Variants in CAD observed in about 807,000 individuals in gnomAD.
The protein encoded by CAD is multifunctional protein CAD.
In CAD, 81 loss-of-function variants were observed where a neutral mutation model predicts 237.2. That is an observed-to-expected ratio of 0.34 (90% CI 0.29 to 0.41). The LOEUF (loss-of-function observed/expected upper bound fraction) is 0.41. CAD is among the 10% of genes least tolerant of loss of function. CAD has a pLI of 1.00. For synonymous variants in CAD, 1,196 were observed against 1,162.8 expected (o/e 1.03, Z -0.58); for missense variants, 2,181 against 2,951.7 (o/e 0.74, Z 6.05).
chr2:27,238,852 C>T (rs1310771469), intron 31 of CAD, among the ~76,000 whole-genome samples, 190 bp from the exon 32 acceptor site: 1 of 152,194 alleles, frequency 6.6e-6, no homozygotes, highest in Non-Finnish European at 1.5e-5. Flanking sequence ...TGAAAGAATA[C>T]ATGGGTAAAA....
In CAD at chr2:27,237,293, G is replaced by T; in HGVS notation, c.4397-86G>T. The T allele has an allele frequency of 7.0e-7, 1 of 1,437,822 alleles. No individual in the cohort carries two copies. Among genetic ancestry groups the T allele is most frequent in the Non-Finnish European group, 9.7e-7 (1 of 1,033,310 alleles). The allele number at this position is 1,437,822 out of a possible 1,614,324, so 89.1% of individuals were successfully genotyped here. ...CCCACCTCGGCCTCCCAAAGTGCTAGGATTACAGGCGTGAGCCACCATGTC... is the reference window on the plus strand; with the variant it reads ...CCCACCTCGGCCTCCCAAAGTGCTATGATTACAGGCGTGAGCCACCATGTC... On this transcript the variant is annotated intron_variant, in intron 27 of 43. Coordinates refer to ENST00000264705, the MANE Select transcript of CAD (RefSeq NM_004341.5). This position sits in a 1 kb window ranked among gnomAD's most constrained non-coding sequence, Gnocchi z 4.0.
At position 27,235,460 on chromosome 2, in the gene CAD, G is replaced by A. The variant is rs771780968; in HGVS notation, c.3969+33G>A. On this transcript the variant is annotated intron_variant, in intron 24 of 43. Transcript: ENST00000264705. This position sits in a 1 kb window ranked among gnomAD's most constrained non-coding sequence, Gnocchi z 5.2. ...AATCCAGGAGGGCTTCCCGAGGGCCGTGGCTCCCTGGGCCAGGGCTGACCT... is the reference window on the plus strand; with the variant it reads ...AATCCAGGAGGGCTTCCCGAGGGCCATGGCTCCCTGGGCCAGGGCTGACCT... The A allele has an allele frequency of 2.9e-5, 46 of 1,606,744 alleles. No homozygotes were observed. Among genetic ancestry groups the A allele is most frequent in the Non-Finnish European group, 3.6e-5 (42 of 1,174,484 alleles).
rs767836058 is a variant in CAD, at chr2:27,225,000, C to T, written c.1387-10C>T. 5.0e-6 allele frequency: 8 copies of T among 1,607,442 alleles called. No homozygotes were observed. Among genetic ancestry groups the T allele is most frequent in the African/African-American group, 2.7e-5 (2 of 74,772 alleles). ...GTTCTGATGCCTGTAACTCCCCTCT[C>T]CATCCTCAGGTGATACGTAATGAAC... On this transcript the variant is annotated splice_polypyrimidine_tract_variant and intron_variant, in intron 10 of 43. Coordinates refer to ENST00000264705, the MANE Select transcript of CAD (RefSeq NM_004341.5).
At chr2:27,221,178 A>C in intron 2 of CAD, 40 bp from the exon 3 acceptor site, 1 of 1,490,706 alleles carries the variant, frequency 6.7e-7, no homozygotes, top group African/African-American at 1.4e-5. Context: ...CAAAGAAATA[A>C]CTTGGCCTGA....
Position 27,242,431 on chromosome 2 carries a change from A to C in CAD, c.6222+4A>C. 6.2e-7 allele frequency: 1 copy of C among 1,612,750 alleles called. No homozygotes were observed. Among genetic ancestry groups the C allele is most frequent in the African/African-American group, 1.3e-5 (1 of 74,982 alleles). ...GGGAACTGTCAATGGCATGACGGTG[A>C]GGGTGGTGGCAGGGTTTGGATCCCT... On this transcript the variant is annotated splice_donor_region_variant and intron_variant, in intron 40 of 43. Transcript: ENST00000264705. The surrounding 1 kb of genome is among the most constrained non-coding windows in gnomAD (Gnocchi z 6.4).
rs1269487114 is a variant in CAD at position 27,235,846 on chromosome 2, A to G, written c.4074+206A>G. ...TGCAGTGAGTGCACCACTGCACTCC[A>G]GCTTGGGAAACAGTGAGATGCTGTC... On this transcript the variant is annotated intron_variant, in intron 25 of 43. Transcript: ENST00000264705. The surrounding 1 kb of genome is among the most constrained non-coding windows in gnomAD (Gnocchi z 5.2). 5.9e-6 allele frequency: 3 copies of G among 508,980 alleles called. No homozygotes were observed. The highest frequency in any genetic ancestry group is 3.9e-5 in the African/African-American group (2 of 50,868). 31.5% of individuals were successfully genotyped at this position (508,980 alleles called of 1,614,324 possible). A position where few individuals can be genotyped will look rare whatever the true frequency, so the allele number is the denominator to read the frequency against.
chr2:27,241,881 C>T lies in CAD; in HGVS notation c.5884-30C>T, dbSNP rs576292247. 3.7e-5 allele frequency: 59 copies of T among 1,586,470 alleles called. No individual in the cohort carries two copies. The highest frequency in any genetic ancestry group is 2.4e-4 in the South Asian group (22 of 90,140). Reference sequence around the variant, plus strand: ...GGTTTCCCCAGGGTGGACACGCATACGTACACCTTCCATCTTGCTCTTTCC... The same window carrying T: ...GGTTTCCCCAGGGTGGACACGCATATGTACACCTTCCATCTTGCTCTTTCC... On this transcript the variant is annotated intron_variant, in intron 38 of 43. Coordinates refer to ENST00000264705, the MANE Select transcript of CAD (RefSeq NM_004341.5). This position sits in a 1 kb window ranked among gnomAD's most constrained non-coding sequence, Gnocchi z 4.6.
rs1675990499 is a variant in CAD, at chr2:27,236,137, G to A, written c.4075-147G>A. ...TCCTGCCAAGAAATACACTTTGCCA[G>A]TATCAAATAGAGGCAGCCCTCAGTG... On this transcript the variant is annotated intron_variant, in intron 25 of 43. Coordinates refer to ENST00000264705, the MANE Select transcript of CAD (RefSeq NM_004341.5). This position sits in a 1 kb window ranked among gnomAD's most constrained non-coding sequence, Gnocchi z 4.1. 3.1e-6 allele frequency: 3 copies of A among 960,576 alleles called. No individual in the cohort carries two copies. The highest frequency in any genetic ancestry group is 4.6e-6 in the Non-Finnish European group (3 of 652,038). The allele number at this position is 960,576 out of a possible 1,614,324, so 59.5% of individuals were successfully genotyped here.
chr2:27,236,168 C>A lies in CAD; in HGVS notation c.4075-116C>A. 2.1e-6 allele frequency: 3 copies of A among 1,397,706 alleles called. No homozygotes were observed. Among genetic ancestry groups the A allele is most frequent in the Admixed American group, 2.2e-5 (1 of 45,448 alleles). 86.6% of individuals were successfully genotyped at this position (1,397,706 alleles called of 1,614,324 possible). A position where few individuals can be genotyped will look rare whatever the true frequency, so the allele number is the denominator to read the frequency against. ...AATAGAGGCAGCCCTCAGTGCCCAC[C>A]CTATGGGTCCTCAGTCTCCTCATCA... On this transcript the variant is annotated intron_variant, in intron 25 of 43. Transcript: ENST00000264705. This position sits in a 1 kb window ranked among gnomAD's most constrained non-coding sequence, Gnocchi z 4.1.
In CAD at chr2:27,240,854, G is replaced by A. The variant is rs2289362; in HGVS notation, c.5594-57G>A. ...TGATTCAGAGTTCCTGGGAATATGG[G>A]GTTTCTTTCCAAACCTCAGCCATAA... On this transcript the variant is annotated intron_variant, in intron 35 of 43. Transcript: ENST00000264705. This position sits in a 1 kb window ranked among gnomAD's most constrained non-coding sequence, Gnocchi z 4.6. The A allele has an allele frequency of 1.3e-5, 20 of 1,571,554 alleles. No homozygotes were observed. In the East Asian group the frequency reaches 3.4e-4, roughly 26 times the overall value.
At chr2:27,221,009 C>T (rs555429439) in intron 2 of CAD, among the ~76,000 whole-genome samples, 2 of 152,078 alleles carry the variant, frequency 1.3e-5, no homozygotes, top group Non-Finnish European at 2.9e-5. Context: ...TTTCAGTGAT[C>T]ATCGGGGCAC....
rs1019504589 is a variant in CAD, at chr2:27,236,049, A to G, written c.4075-235A>G. Among the ~76,000 whole-genome samples, 3 of 152,138 alleles carry G rather than the reference A, an allele frequency of 2.0e-5. No homozygotes were observed. The highest frequency in any genetic ancestry group is 6.5e-5 in the Admixed American group (1 of 15,274). ...TCCTTCCAGGATTTTCTCTGTGTAC[A>G]TGTGTGTGAGCTCATACTGCACCTA... On this transcript the variant is annotated intron_variant, in intron 25 of 43. Transcript: ENST00000264705. The surrounding 1 kb of genome is among the most constrained non-coding windows in gnomAD (Gnocchi z 4.1).
At position 27,235,672 on chromosome 2, in the gene CAD, T is replaced by A; in HGVS notation, c.4074+32T>A. 1 of 1,579,086 alleles carries A rather than the reference T, an allele frequency of 6.3e-7. No homozygotes were observed. The highest frequency in any genetic ancestry group is 2.2e-5 in the East Asian group (1 of 44,702). On this transcript the variant is annotated intron_variant, in intron 25 of 43. Coordinates refer to ENST00000264705, the MANE Select transcript of CAD (RefSeq NM_004341.5). This position sits in a 1 kb window ranked among gnomAD's most constrained non-coding sequence, Gnocchi z 5.2. ...GAACTCTGGCAACCTACCCCACTGCTGCCCTTCCCCAAGGGGGTGAAAATA... is the reference window on the plus strand; with the variant it reads ...GAACTCTGGCAACCTACCCCACTGCAGCCCTTCCCCAAGGGGGTGAAAATA...
At chr2:27,224,270 G>A in intron 8 of CAD, 75 bp from the exon 9 acceptor site, 1 of 1,534,126 alleles carries the variant, frequency 6.5e-7, no homozygotes, top group Non-Finnish European at 9.0e-7. Context: ...TCTTCTGAAA[G>A]CGAGGGAGCT....
At chr2:27,226,719 G>C (rs1675458524) in intron 14 of CAD, 70 bp downstream of exon 14, 12 of 1,605,616 alleles carry the variant, frequency 7.5e-6, no homozygotes, top group Non-Finnish European at 1.0e-5. Flanking sequence ...GATGGGACAG[G>C]GAATATGAAA....
chr2:27,227,113 G>A lies in CAD; in HGVS notation c.2287+151G>A. On this transcript the variant is annotated intron_variant, in intron 15 of 43. Transcript: ENST00000264705. ...GATTATAGTCCTTGTCAGGAGTTGG[G>A]GAGGCATCTGGAAATCTGTGTTGGA... The A allele has an allele frequency of 3.2e-5, 21 of 658,600 alleles. No individual in the cohort carries two copies. In the South Asian group the frequency reaches 3.9e-4, roughly 12 times the overall value. The allele number at this position is 658,600 out of a possible 1,614,324, so 40.8% of individuals were successfully genotyped here. A position where few individuals can be genotyped will look rare whatever the true frequency, so the allele number is the denominator to read the frequency against.
Sources: gnomAD v4.1 joint callset for allele counts (sites outside exome capture counted in the v4.1 genomes callset) on GRCh38, gnomAD v4.1.1 for gene constraint, Gnocchi (gnomAD v3.1) non-coding constraint, MANE v1.5 for transcripts, NCBI Gene and HGNC (gene_info 2026-07-23, HGNC 2026-07-21) for gene names.